Variants in ACACB observed in about 807,000 individuals in gnomAD.
The protein encoded by ACACB is acetyl-CoA carboxylase 2.
In ACACB, 209 loss-of-function variants were observed where a neutral mutation model predicts 278.8. The observed-to-expected ratio is 0.75, with a 90% CI of 0.67 to 0.84. The LOEUF (loss-of-function observed/expected upper bound fraction) is 0.84. Among genes scored for constraint, ACACB ranks in the 40% least tolerant of loss-of-function variants. ACACB has a pLI of 0.00. For synonymous variants in ACACB, 1,174 were observed against 1,285.6 expected (o/e 0.91, Z 1.86); for missense variants, 2,850 against 3,269.0 (o/e 0.87, Z 3.13).
chr12:109,232,615 T>C lies in ACACB; in HGVS notation c.4002-54T>C, dbSNP rs184520855. ...AAGCTTCAGGAGTAGGAGCAGCTCG[T>C]AGAGTTGGGTCTGCAAGCAGCTGCC... On this transcript the variant is annotated intron_variant, in intron 28 of 52. Transcript: ENST00000338432. The C allele has an allele frequency of 7.5e-6, 12 of 1,590,718 alleles. No individual in the cohort carries two copies. In the East Asian group the frequency reaches 2.2e-4, roughly 30 times the overall value.
In ACACB at chr12:109,191,870, T is replaced by C. The variant is rs764207529; in HGVS notation, c.2319T>C (p.Leu773=). The change falls in exon 15 of 53, where the codon CTT becomes CTC. Residue 773 remains leucine, a synonymous_variant. Transcript: ENST00000338432. ...KVQAEKPDIM[L]GVVCGALNVA... is the part of the protein sequence containing the mutation. ...AGGCGGAGAAACCGGATATCATGCT[T>C]GGGGTGGTATGCGGGGCCTTGAACG... 1 of 1,614,102 alleles carries C rather than the reference T, an allele frequency of 6.2e-7. No homozygotes were observed. Among genetic ancestry groups the C allele is most frequent in the South Asian group, 1.1e-5 (1 of 91,078 alleles).
intron 37 of ACACB, among the ~76,000 whole-genome samples, chr12:109,243,662 A>C (rs1054895651): frequency 3.9e-5 from 6 of 152,172 alleles, no homozygotes. Flanking sequence ...TAAAGTATAC[A>C]TAGGAAACTA....
At chr12:109,156,590 T>G (rs77672524) in intron 2 of ACACB, among the ~76,000 whole-genome samples, 7 of 22,170 alleles carry the variant, frequency 3.2e-4, no homozygotes, top group African/African-American at 5.8e-4. Context: ...TCTCTCTGTT[T>G]TTTTTTTTTT....
intron 7 of ACACB, among the ~76,000 whole-genome samples, chr12:109,175,291 C>A (rs1256934006): frequency 6.6e-6 from 1 of 151,952 alleles, no homozygotes; most frequent in Non-Finnish European, 1.5e-5. Context: ...TTTGTTAAAT[C>A]TTTGCATGGT....
intron 16 of ACACB, among the ~76,000 whole-genome samples, chr12:109,195,785 A>C (rs954822745): frequency 6.6e-6 from 1 of 152,108 alleles, no homozygotes; most frequent in African/African-American, 2.4e-5. Context: ...TGAACTTTTA[A>C]TAGTGATGGG....
At chr12:109,205,949 C>T (rs1470800294) in intron 19 of ACACB, among the ~76,000 whole-genome samples, 4 of 152,062 alleles carry the variant, frequency 2.6e-5, no homozygotes, top group Admixed American at 6.6e-5. Context: ...GTGTTGCCCT[C>T]TAGGGAGCTT....
At chr12:109,126,246 A>G (rs2042676104) in intron 1 of ACACB, among the ~76,000 whole-genome samples, 2 of 152,226 alleles carry the variant, frequency 1.3e-5, no homozygotes, top group Admixed American at 6.5e-5. Flanking sequence ...AGCCAGACAG[A>G]TCAGACTGAT....
At chr12:109,168,068 C>A in intron 4 of ACACB, 34 bp downstream of exon 4, 1 of 1,579,540 alleles carries the variant, frequency 6.3e-7, no homozygotes, top group Non-Finnish European at 8.6e-7. Context: ...TCCCATCACG[C>A]TCCATCCTTG....
chr12:109,181,250 T>C (rs1402773657), intron 11 of ACACB, among the ~76,000 whole-genome samples: 1 of 143,982 alleles, frequency 6.9e-6, no homozygotes, highest in East Asian at 2.0e-4. Context: ...TTTTTTGAGA[T>C]GCAGTCTCGC....
chr12:109,147,113 C>G (rs2043261267), intron 2 of ACACB, among the ~76,000 whole-genome samples: 1 of 152,128 alleles, frequency 6.6e-6, no homozygotes, highest in Admixed American at 6.6e-5. Context: ...CTTCCCTGTC[C>G]CTTTCTCACA....
At chr12:109,230,682 G>A (rs1163533954) in intron 28 of ACACB, among the ~76,000 whole-genome samples, 2 of 152,068 alleles carry the variant, frequency 1.3e-5, no homozygotes, top group African/African-American at 4.8e-5. Flanking sequence ...CTCCTGCCTC[G>A]GCCTCCCAAA....
At chr12:109,125,251 T>C (rs1161170791) in intron 1 of ACACB, 1 of 152,178 alleles carries the variant, frequency 6.6e-6, no homozygotes, top group Non-Finnish European at 1.5e-5. Context: ...TGTGTTTCAA[T>C]CCACTGCAGT....
intron 29 of ACACB, 74 bp downstream of exon 29, chr12:109,232,880 T>G (rs1392904620): frequency 2.1e-5 from 33 of 1,566,712 alleles, no homozygotes; most frequent in Non-Finnish European, 2.9e-5. Context: ...CCCCCCCCAA[T>G]TCACTGGACA....
chr12:109,184,737 C>G (rs990950361), intron 11 of ACACB, among the ~76,000 whole-genome samples: 1 of 145,788 alleles, frequency 6.9e-6, no homozygotes, highest in Non-Finnish European at 1.5e-5. Context: ...GATGGAGTCT[C>G]GCTCTGTCAC....
At chr12:109,193,216 CCT>C (rs2044958307) in intron 15 of ACACB, among the ~76,000 whole-genome samples, 1 of 100,714 alleles carries the variant, frequency 9.9e-6, no homozygotes, top group African/African-American at 4.2e-5. Flanking sequence ...TCAGATTTAG[CCT>C]TTTTTTTTTT....
At chr12:109,257,729 C>T (rs1346279715) in intron 45 of ACACB, among the ~76,000 whole-genome samples, 1 of 152,138 alleles carries the variant, frequency 6.6e-6, no homozygotes, top group Non-Finnish European at 1.5e-5. Flanking sequence ...CGCCACCACA[C>T]CTAGCCAGTT....
Position 109,210,169 on chromosome 12 carries a change from A to ATATATGTATATATACACACGTGTG in ACACB, c.3249+830_3249+853dup, listed in dbSNP as rs2045708436. Among the ~76,000 whole-genome samples, 31 of 42,530 alleles carry ATATATGTATATATACACACGTGTG rather than the reference A, an allele frequency of 7.3e-4. 2 individuals carry two copies. The highest frequency in any genetic ancestry group is 1.2e-3 in the Non-Finnish European group (24 of 20,522). 27.9% of individuals were successfully genotyped at this position (42,530 alleles called of 152,430 possible). A position where few individuals can be genotyped will look rare whatever the true frequency, so the allele number is the denominator to read the frequency against. ...TATATATACACACGTGTGTATATGT[A>ATATATGTATATATACACACGTGTG]TATATGTATATATACACACGTGTGT... On this transcript the variant is annotated intron_variant, in intron 21 of 52. Transcript: ENST00000338432.
intron 9 of ACACB, among the ~76,000 whole-genome samples, chr12:109,176,528 A>G (rs2044289000): frequency 6.6e-6 from 1 of 152,230 alleles, no homozygotes; most frequent in Non-Finnish European, 1.5e-5. Flanking sequence ...ACAGGATCAA[A>G]ATAGCTGTTT....
In ACACB at chr12:109,259,009, T is replaced by G. The variant is rs1425654392; in HGVS notation, c.6397T>G (p.Ser2133Ala). Reference protein sequence around the residue: ...QQAGQVWFPDSAYKTAQAVKD... With the variant: ...QQAGQVWFPDAAYKTAQAVKD... ...GGCAGGACAGGTGTGGTTCCCAGAC[T>G]CAGCCTACAAAACCGCCCAGGCCGT... The change falls in exon 47 of 53, where the codon TCA (serine) becomes GCA (alanine). Residue 2133 changes from serine to alanine, a missense_variant. Physicochemically the swap from Ser to Ala is moderately conservative, Grantham distance 99. Transcript: ENST00000338432. The G allele has an allele frequency of 2.5e-6, 4 of 1,614,040 alleles. No homozygotes were observed. Among genetic ancestry groups the G allele is most frequent in the Non-Finnish European group, 3.4e-6 (4 of 1,180,022 alleles).
Sources: allele counts gnomAD v4.1 joint callset (sites outside exome capture counted in the v4.1 genomes callset), GRCh38; gene constraint gnomAD v4.1.1; transcripts MANE v1.5; gene names NCBI Gene and HGNC (gene_info 2026-07-23, HGNC 2026-07-21).